The following SMCHD1 variants were observed in gnomAD, a reference collection of about 807,000 sequenced individuals.
SMCHD1 encodes structural maintenance of chromosomes flexible hinge domain-containing protein 1.
SMCHD1 carries 78 observed loss-of-function variants against 254.7 expected under a neutral mutation model. That is an observed-to-expected ratio of 0.31 (90% CI 0.26 to 0.37). The LOEUF is 0.37. Ranked by LOEUF, SMCHD1 falls within the 10% of genes least tolerant of loss-of-function variation. SMCHD1 has a pLI of 1.00. For synonymous variants in SMCHD1, 766 were observed against 794.9 expected (o/e 0.96, Z 0.61); for missense variants, 1,840 against 2,408.1 (o/e 0.76, Z 4.94).
chr18:2,774,736 T>C (rs2076038266), intron 41 of SMCHD1, among the ~76,000 whole-genome samples: 2 of 152,158 alleles, frequency 1.3e-5, no homozygotes, highest in South Asian at 2.1e-4. Context: ...TGACACACAA[T>C]GTTCTTATTG....
At position 2,740,808 on chromosome 18, in the gene SMCHD1, A is replaced by G. The variant is rs1249504713; in HGVS notation, c.3620A>G (p.Lys1207Arg). ...GTTGGACTTGATAGCTCAAATTTGA[A>G]AACAACCTTTCAGGTATGGCTACTT... is the stretch of plus-strand genomic sequence containing the variant. ...AGVGLDSSNL[K>R]TTFQENTQSI... The change falls in exon 28 of 48, where the codon AAA becomes AGA. Residue 1207 changes from lysine (K) to arginine (R), a missense_variant. Physicochemically the swap from Lys to Arg is conservative, Grantham distance 26 (BLOSUM62 2). This residue lies in a region of SMCHD1 where 881 missense variants were observed against 1,009.5 expected (regional missense o/e 0.87). Transcript: ENST00000320876. The G allele has an allele frequency of 6.2e-7, 1 of 1,600,128 alleles. No individual in the cohort carries two copies. Among genetic ancestry groups the G allele is most frequent in the Admixed American group, 1.7e-5 (1 of 59,452 alleles).
At chr18:2,728,083 TGC>T (rs1025896083) in intron 22 of SMCHD1, among the ~76,000 whole-genome samples, 3 of 152,066 alleles carry the variant, frequency 2.0e-5, no homozygotes, top group African/African-American at 4.8e-5. Context: ...TAGTTACTTG[TGC>T]CAGAAAAATC....
At chr18:2,690,309 GA>G (rs2143072675) in intron 7 of SMCHD1, among the ~76,000 whole-genome samples, 1 of 152,176 alleles carries the variant, frequency 6.6e-6, no homozygotes, top group South Asian at 2.1e-4. Context: ...TTCCTTCAAT[GA>G]ATGTAACATA....
chr18:2,772,200 T>A, intron 40 of SMCHD1, 50 bp from the exon 41 acceptor site: 1 of 1,430,974 alleles, frequency 7.0e-7, no homozygotes, highest in Non-Finnish European at 9.2e-7. Flanking sequence ...ATGGGCTGCC[T>A]GGTTCAAGAG....
intron 1 of SMCHD1, among the ~76,000 whole-genome samples, chr18:2,658,535 C>T (rs1024442167): frequency 6.6e-6 from 1 of 152,168 alleles, no homozygotes; most frequent in African/African-American, 2.4e-5. Context: ...GTTCCTCCTT[C>T]CTCCCACTTT....
In SMCHD1 at chr18:2,740,828, C is replaced by T. The variant is rs200391083; in HGVS notation, c.3633+7C>T. The T allele has an allele frequency of 1.2e-4, 178 of 1,521,532 alleles. No individual in the cohort carries two copies. The African/African-American group carries it at 2.1e-3, about 18-fold the overall frequency. The allele number at this position is 1,521,532 out of a possible 1,614,324, so 94.3% of individuals were successfully genotyped here. A position where few individuals can be genotyped will look rare whatever the true frequency, so the allele number is the denominator to read the frequency against. ...TTTGAAAACAACCTTTCAGGTATGG[C>T]TACTTTCTATACCATTTTGGTTTGA... On this transcript the variant is annotated splice_region_variant and intron_variant, in intron 28 of 47. Coordinates refer to ENST00000320876, the MANE Select transcript of SMCHD1 (RefSeq NM_015295.3).
Position 2,744,235 on chromosome 18 carries a change from C to T in SMCHD1, c.3801+307C>T, listed in dbSNP as rs971072116. Among the ~76,000 whole-genome samples the T allele has an allele frequency of 2.0e-5, 3 of 152,074 alleles. 1 individual carries two copies. The highest frequency in any genetic ancestry group is 7.2e-5 in the African/African-American group (3 of 41,396). ...TAGCAAACTCCCATGTGCCAATTAC[C>T]TAGTTTCTACAGTTACTGATTTTTG... On this transcript the variant is annotated intron_variant, in intron 29 of 47. Coordinates refer to ENST00000320876, the MANE Select transcript of SMCHD1 (RefSeq NM_015295.3).
intron 34 of SMCHD1, chr18:2,752,961 C>A: frequency 1.1e-5 from 2 of 174,816 alleles, no homozygotes; most frequent in Non-Finnish European, 2.4e-5. Context: ...CTTTACAAAT[C>A]CTTTATCATC....
intron 17 of SMCHD1, among the ~76,000 whole-genome samples, chr18:2,717,177 C>T (rs570824518): frequency 6.6e-6 from 1 of 152,130 alleles, no homozygotes; most frequent in African/African-American, 2.4e-5. Flanking sequence ...GGGTGGAGCA[C>T]TTCCCACTGT....
At chr18:2,666,768 C>T in intron 2 of SMCHD1, 102 bp from the exon 3 acceptor site, 1 of 945,288 alleles carries the variant, frequency 1.1e-6, no homozygotes, top group Non-Finnish European at 1.5e-6. Flanking sequence ...TCTTTACCAT[C>T]ATTAAAGATA....
chr18:2,687,069 T>A (rs551693513), intron 5 of SMCHD1, among the ~76,000 whole-genome samples: 1 of 152,262 alleles, frequency 6.6e-6, no homozygotes, highest in South Asian at 2.1e-4. Context: ...TTTAAAATAT[T>A]TTCCTTCCCC....
At chr18:2,689,337 C>G (rs1338929930) in intron 7 of SMCHD1, among the ~76,000 whole-genome samples, 1 of 151,278 alleles carries the variant, frequency 6.6e-6, no homozygotes, top group Non-Finnish European at 1.5e-5. Flanking sequence ...CCTGCCTCAG[C>G]CTCTCGAGTA....
Position 2,700,378 on chromosome 18 carries a change from C to T in SMCHD1, c.1343-161C>T, listed in dbSNP as rs143124047. Among the ~76,000 whole-genome samples, 74 of 152,264 alleles carry T rather than the reference C, an allele frequency of 4.9e-4. No individual in the cohort carries two copies. The East Asian group carries it at 6.0e-3, about 12-fold the overall frequency. ...TGACTTCTAAATGACAGACAGCATT[C>T]GTAATGTGGAACCACTTTGTAAACC... On this transcript the variant is annotated intron_variant, in intron 10 of 47. Transcript: ENST00000320876.
intron 37 of SMCHD1, among the ~76,000 whole-genome samples, chr18:2,768,896 A>G (rs148964930): frequency 6.6e-5 from 10 of 151,834 alleles, no homozygotes; most frequent in Non-Finnish European, 1.2e-4. Flanking sequence ...AGTTGGTTTA[A>G]TGGTGGGCTT....
At chr18:2,716,067 T>C (rs963499543) in intron 17 of SMCHD1, among the ~76,000 whole-genome samples, 1 of 152,210 alleles carries the variant, frequency 6.6e-6, no homozygotes, top group Non-Finnish European at 1.5e-5. Flanking sequence ...GCAGGACTTA[T>C]TTTTTCCTTG....
At chr18:2,697,219 A>G in intron 9 of SMCHD1, 97 bp downstream of exon 9, 1 of 545,220 alleles carries the variant, frequency 1.8e-6, no homozygotes, top group South Asian at 3.1e-5. Context: ...ATAATTAGAC[A>G]ACTTCTCTCT....
chr18:2,778,016 AT>A (rs2076095195), intron 43 of SMCHD1, 101 bp downstream of exon 43: 1 of 1,020,630 alleles, frequency 9.8e-7, no homozygotes, highest in Non-Finnish European at 1.4e-6. Flanking sequence ...TATTTTGCTT[AT>A]CAGTCATAGT....
At chr18:2,724,274 T>G (rs1292755725) in intron 20 of SMCHD1, among the ~76,000 whole-genome samples, 2 of 151,794 alleles carry the variant, frequency 1.3e-5, no homozygotes, top group African/African-American at 4.8e-5. Flanking sequence ...TTCCCTTTCT[T>G]TACCTTTCAC....
intron 44 of SMCHD1, among the ~76,000 whole-genome samples, chr18:2,782,883 C>A (rs2076180367): frequency 6.6e-6 from 1 of 151,240 alleles, no homozygotes; most frequent in South Asian, 2.1e-4. Context: ...CATATAAACC[C>A]AAACCAAAAC....
Sources: allele counts gnomAD v4.1 joint callset (sites outside exome capture counted in the v4.1 genomes callset), GRCh38; gene constraint gnomAD v4.1.1; regional missense constraint gnomAD v4.1.1; transcripts MANE v1.5; gene names NCBI Gene and HGNC (gene_info 2026-07-23, HGNC 2026-07-21).